The following CYFIP1 variants were observed in gnomAD, a reference collection of about 807,000 sequenced individuals.
CYFIP1 encodes the protein cytoplasmic FMR1 interacting protein 1.
A neutral mutation model predicts 163.5 loss-of-function variants in CYFIP1; 58 were observed. That is an observed-to-expected ratio of 0.35 (90% CI 0.29 to 0.44). The LOEUF (loss-of-function observed/expected upper bound fraction) is 0.44. Among genes scored for constraint, CYFIP1 ranks in the 20% least tolerant of loss-of-function variants. The probability of loss-of-function intolerance (pLI) is 1.00; values close to 1 mark genes in which losing one functional copy is unlikely to be tolerated. For synonymous variants in CYFIP1, 663 were observed against 660.7 expected, an observed-to-expected ratio of 1.00 and a Z score of -0.05; for missense variants, 1,338 against 1,653.8, an observed-to-expected ratio of 0.81 and a Z score of 3.31.
chr15:22,934,734 G>A (rs1024152730), intron 9 of CYFIP1, among the ~76,000 whole-genome samples: 3 of 151,546 alleles, frequency 2.0e-5, no homozygotes, highest in Non-Finnish European at 4.4e-5. Flanking sequence ...TCCTGACCTC[G>A]TGATCCACCC....
intron 28 of CYFIP1, among the ~76,000 whole-genome samples, chr15:22,873,972 G>A (rs2059508538): frequency 6.6e-6 from 1 of 152,174 alleles, no homozygotes; most frequent in South Asian, 2.1e-4. Flanking sequence ...TGCCCAGGCT[G>A]GTCTCAAACT....
intron 10 of CYFIP1, among the ~76,000 whole-genome samples, chr15:22,933,598 G>A (rs370325455): frequency 1.2e-4 from 19 of 152,232 alleles, no homozygotes; most frequent in African/African-American, 4.6e-4. Flanking sequence ...ACAGGCGTGA[G>A]CCACCGCGCC....
intron 22 of CYFIP1, among the ~76,000 whole-genome samples, chr15:22,893,683 A>G (rs1319858180): frequency 6.6e-6 from 1 of 152,142 alleles, no homozygotes; most frequent in Non-Finnish European, 1.5e-5. Flanking sequence ...ATCTGAGAGG[A>G]CGTGCTGCAC....
At chr15:22,941,901 C>T (rs764516467) in intron 6 of CYFIP1, among the ~76,000 whole-genome samples, 1 of 152,126 alleles carries the variant, frequency 6.6e-6, no homozygotes, top group Non-Finnish European at 1.5e-5. Flanking sequence ...GCCAAAACGG[C>T]GGCTGAGAAG....
chr15:22,916,510 A>G lies in CYFIP1; in HGVS notation c.1795T>C (p.Ser599Pro). The change falls in exon 16 of 31, where the codon TCA becomes CCA. Residue 599 changes from serine (S) to proline (P), a missense_variant. Coordinates refer to ENST00000617928, the MANE Select transcript of CYFIP1 (RefSeq NM_014608.6). ...TTTATCAAGTGAGTGTAGAAGAATG[A>G]CTCTCGATGAAATTTTTCTATGTCC... Reference protein sequence around the residue: ...ILDIEKFHRESFFYTHLINFS... With the variant: ...ILDIEKFHREPFFYTHLINFS... The G allele has an allele frequency of 6.2e-7, 1 of 1,613,244 alleles. No homozygotes were observed. Among genetic ancestry groups the G allele is most frequent in the Non-Finnish European group, 8.5e-7 (1 of 1,179,530 alleles).
intron 15 of CYFIP1, chr15:22,916,965 G>C (rs1411058907): frequency 2.6e-6 from 4 of 1,551,602 alleles, no homozygotes; most frequent in South Asian, 1.2e-5. Context: ...CATGCCCAGA[G>C]ACTTGAGCTG....
In CYFIP1 at chr15:22,909,233, C is replaced by A; in HGVS notation, c.2349G>T (p.Ala783=). 1.9e-6 allele frequency: 3 copies of A among 1,614,164 alleles called. No homozygotes were observed. The highest frequency in any genetic ancestry group is 2.5e-6 in the Non-Finnish European group (3 of 1,180,018). Residue 783 remains alanine (A), a synonymous_variant, in exon 21 of 31, where the codon GCG becomes GCT. Transcript: ENST00000617928. ...AATCTTCACTTTCAAATCGTCCAAT[C>A]GCCAGTTCTAGGGACTTATACATGG... ...SAAMYKSLEL[A]IGRFESEDLT...
chr15:22,874,125 C>T (rs1472283228), intron 28 of CYFIP1, among the ~76,000 whole-genome samples: 1 of 152,160 alleles, frequency 6.6e-6, no homozygotes, highest in Non-Finnish European at 1.5e-5. Context: ...ATGCACAGGG[C>T]GCCCCAGCCC....
chr15:22,882,102 A>G (rs1253715514), intron 24 of CYFIP1, among the ~76,000 whole-genome samples, 166 bp from the exon 25 acceptor site: 3 of 152,206 alleles, frequency 2.0e-5, no homozygotes, highest in Admixed American at 1.3e-4. Flanking sequence ...AGAGAGAGCA[A>G]CCATCACCAG....
chr15:22,978,905 A>C (rs751628504), intron 1 of CYFIP1, among the ~76,000 whole-genome samples: 2 of 152,172 alleles, frequency 1.3e-5, no homozygotes, highest in Non-Finnish European at 2.9e-5. Flanking sequence ...TGCCTTCCTG[A>C]GTATCCTGAC....
Position 22,867,421 on chromosome 15 carries a change from C to G in CYFIP1, c.*2607G>C. The G allele has an allele frequency of 2.7e-6, 1 of 371,224 alleles. No homozygotes were observed. The highest frequency in any genetic ancestry group is 4.8e-6 in the Non-Finnish European group (1 of 210,046). 23.0% of individuals were successfully genotyped at this position (371,224 alleles called of 1,614,324 possible). On this transcript the variant is annotated 3_prime_UTR_variant, in exon 31 of 31. Coordinates refer to ENST00000617928, the MANE Select transcript of CYFIP1 (RefSeq NM_014608.6). Reference sequence around the variant, plus strand: ...AAAGGGCAGAAATCACCCCAAGGAACGATTTCTCAGGTTGAGATGATCACC... The same window carrying G: ...AAAGGGCAGAAATCACCCCAAGGAAGGATTTCTCAGGTTGAGATGATCACC...
chr15:22,903,880 T>G lies in CYFIP1; in HGVS notation c.2414A>C (p.Asn805Thr). 1.2e-6 allele frequency: 2 copies of G among 1,614,064 alleles called. No homozygotes were observed. The highest frequency in any genetic ancestry group is 8.5e-7 in the Non-Finnish European group (1 of 1,179,992). The change falls in exon 22 of 31, where the codon AAC becomes ACC. Residue 805 changes from asparagine (N) to threonine (T), a missense_variant. By Grantham distance (65) the Asn-to-Thr change is moderately conservative (BLOSUM62 0). Coordinates refer to ENST00000617928, the MANE Select transcript of CYFIP1 (RefSeq NM_014608.6). ...IVELDGLLEI[N>T]RMTHKLLSRY... ...GCTCAGCAGCTTGTGGGTCATGCGG[T>G]TGATTTCCAACAGGCCATCCAGCTC...
intron 22 of CYFIP1, among the ~76,000 whole-genome samples, chr15:22,900,326 G>T (rs952314308): frequency 1.3e-5 from 2 of 152,050 alleles, no homozygotes; most frequent in Non-Finnish European, 2.9e-5. Context: ...GTGTCTCAGA[G>T]GGGGCGTGGT....
intron 26 of CYFIP1, among the ~76,000 whole-genome samples, chr15:22,877,091 G>C (rs943512312): frequency 1.3e-4 from 20 of 152,310 alleles, no homozygotes; most frequent in African/African-American, 4.6e-4. Flanking sequence ...AACTCATGGT[G>C]AAATTTAATT....
At chr15:22,874,919 A>G (rs1024607433) in intron 27 of CYFIP1, among the ~76,000 whole-genome samples, 6 of 152,180 alleles carry the variant, frequency 3.9e-5, no homozygotes, top group Non-Finnish European at 8.8e-5. Flanking sequence ...ATCATCTGCT[A>G]TAATTATCAA....
At chr15:22,956,571 T>C (rs115753104) in intron 1 of CYFIP1, among the ~76,000 whole-genome samples, 4,170 of 152,060 alleles carry the variant, frequency 0.027, 224 homozygotes, top group African/African-American at 0.095. Flanking sequence ...AAACCGGCCT[T>C]GGACACCAGA....
chr15:22,910,651 A>G, intron 19 of CYFIP1, 23 bp from the exon 20 acceptor site: 1 of 1,610,494 alleles, frequency 6.2e-7, no homozygotes, highest in Non-Finnish European at 8.5e-7. Context: ...GAAGACAGAA[A>G]GTTTTTCATA....
intron 23 of CYFIP1, among the ~76,000 whole-genome samples, chr15:22,886,966 G>T (rs754480024): frequency 2.5e-4 from 38 of 152,286 alleles, no homozygotes; most frequent in Middle Eastern, 3.4e-3. Context: ...CTTGTTGTTT[G>T]ACGCATAAAC....
At chr15:22,974,057 C>T (rs1011132594) in intron 1 of CYFIP1, among the ~76,000 whole-genome samples, 2 of 152,112 alleles carry the variant, frequency 1.3e-5, no homozygotes, top group African/African-American at 2.4e-5. Flanking sequence ...GAAAGGGAAA[C>T]CCTTGTACAC....
Sources: gnomAD v4.1 joint callset for allele counts (sites outside exome capture counted in the v4.1 genomes callset) on GRCh38, gnomAD v4.1.1 for gene constraint, MANE v1.5 for transcripts, NCBI Gene and HGNC (gene_info 2026-07-23, HGNC 2026-07-21) for gene names.